WDR27: variants seen among roughly 807,000 people sequenced by gnomAD.
The protein encoded by WDR27 is WD repeat-containing protein 27.
A neutral mutation model predicts 114.4 loss-of-function variants in WDR27; 100 were observed. That is an observed-to-expected ratio of 0.87 (90% confidence interval 0.74 to 1.03). WDR27 has a LOEUF of 1.03. Among genes scored for constraint, WDR27 ranks in the 50% least tolerant of loss-of-function variants. The pLI is 0.00. For synonymous variants in WDR27, 449 were observed against 423.1 expected (o/e 1.06, Z -0.75); for missense variants, 1,129 against 1,092.9 (o/e 1.03, Z -0.47).
chr6:169,434,354 T>A, the WDR27 span, among the ~76,000 whole-genome samples: 49 of 152,330 alleles, frequency 3.2e-4, no homozygotes, highest in African/African-American at 1.1e-3. Flanking sequence ...CCTTTCCCCA[T>A]CGCTTTTGTC....
chr6:169,429,103 G>A, the WDR27 span, among the ~76,000 whole-genome samples: 283 of 152,170 alleles, frequency 1.9e-3, 2 homozygotes, highest in African/African-American at 6.5e-3. Context: ...AGAGGGGAGC[G>A]TCCTTCACCC....
chr6:169,628,393 A>T (rs1815410157), intron 21 of WDR27, among the ~76,000 whole-genome samples: 1 of 152,204 alleles, frequency 6.6e-6, no homozygotes, highest in South Asian at 2.1e-4. Context: ...CATGCGCATC[A>T]GCCCGCCTGC....
Position 169,684,430 on chromosome 6 carries a change from T to G in WDR27, c.189+4387A>C, listed in dbSNP as rs567441188. On this transcript the variant is annotated intron_variant, in intron 2 of 25. Coordinates refer to ENST00000448612, the MANE Select transcript of WDR27 (RefSeq NM_182552.5). This position sits in a 1 kb window ranked among gnomAD's most constrained non-coding sequence, Gnocchi z 4.3. Reference sequence around the variant, plus strand: ...CTGAGAAACAGTCTCACAGGCTGACTATGGCAAGCATGCTCCCAGGCCCAA... The same window carrying G: ...CTGAGAAACAGTCTCACAGGCTGACGATGGCAAGCATGCTCCCAGGCCCAA... Among the ~76,000 whole-genome samples the G allele has an allele frequency of 3.9e-5, 6 of 152,256 alleles. No homozygotes were observed. In the East Asian group the frequency reaches 9.7e-4, roughly 25 times the overall value.
intron 25 of WDR27, among the ~76,000 whole-genome samples, chr6:169,537,359 G>A (rs1489580841): frequency 6.6e-6 from 1 of 152,162 alleles, no homozygotes; most frequent in Non-Finnish European, 1.5e-5. Context: ...TAAGAGGGCT[G>A]CTTTAAATTG....
intron 17 of WDR27, among the ~76,000 whole-genome samples, chr6:169,641,108 A>G (rs1819037718): frequency 6.6e-6 from 1 of 152,186 alleles, no homozygotes; most frequent in Non-Finnish European, 1.5e-5. Context: ...GCGAAGTGCC[A>G]CCTTCTGCTC....
At chr6:169,550,501 C>T (rs1797956901) in intron 25 of WDR27, among the ~76,000 whole-genome samples, 1 of 151,924 alleles carries the variant, frequency 6.6e-6, no homozygotes, top group Admixed American at 6.6e-5. Context: ...CTCATTGCAA[C>T]CTCCACCTCC....
chr6:169,665,479 G>A lies in WDR27; in HGVS notation c.783+7C>T, dbSNP rs749498651. Reference sequence around the variant, plus strand: ...GGAACTGGAACTTAACTCTGTGGCTGTCTCACCTGGCCGTCAGCACACCCG... The same window carrying A: ...GGAACTGGAACTTAACTCTGTGGCTATCTCACCTGGCCGTCAGCACACCCG... On this transcript the variant is annotated splice_region_variant and intron_variant, in intron 7 of 25. Transcript: ENST00000448612. The A allele has an allele frequency of 8.7e-6, 14 of 1,611,296 alleles. No individual in the cohort carries two copies. Among genetic ancestry groups the A allele is most frequent in the African/African-American group, 5.3e-5 (4 of 74,806 alleles).
chr6:169,636,580 T>C (rs192517225), intron 18 of WDR27, 76 bp from the exon 19 acceptor site: 3 of 1,419,664 alleles, frequency 2.1e-6, no homozygotes, highest in African/African-American at 1.4e-5. Flanking sequence ...CATAAAATTA[T>C]TTCTTCTTAA....
chr6:169,479,545 T>C (rs780335675), intron 25 of WDR27, among the ~76,000 whole-genome samples: 32 of 152,330 alleles, frequency 2.1e-4, no homozygotes, highest in Non-Finnish European at 2.2e-4. Flanking sequence ...AGATTTTATA[T>C]GGTGACAGTC....
intron 21 of WDR27, among the ~76,000 whole-genome samples, chr6:169,617,061 A>G (rs1584615025): frequency 6.6e-6 from 1 of 152,204 alleles, no homozygotes; most frequent in Non-Finnish European, 1.5e-5. Context: ...ACAATGCACA[A>G]TGTTGCTGAA....
chr6:169,691,202 G>A (rs9383477), intron 1 of WDR27, among the ~76,000 whole-genome samples: 13,576 of 152,076 alleles, frequency 0.089, 1,800 homozygotes, highest in East Asian at 0.61. Flanking sequence ...GCAACAGAGC[G>A]AGACTCTGTC....
At chr6:169,509,704 C>A (rs944680127) in intron 25 of WDR27, among the ~76,000 whole-genome samples, 1 of 152,012 alleles carries the variant, frequency 6.6e-6, no homozygotes, top group Non-Finnish European at 1.5e-5. Flanking sequence ...CAATACCATT[C>A]AGGACATAGG....
At chr6:169,654,834 C>T (rs969982343) in intron 13 of WDR27, among the ~76,000 whole-genome samples, 18 of 151,888 alleles carry the variant, frequency 1.2e-4, no homozygotes, top group African/African-American at 3.9e-4. Flanking sequence ...CAGAAGGAGG[C>T]GGCTCGCTCA....
rs764498360 is a variant in WDR27 at position 169,688,908 on chromosome 6, TGA to T, written c.96_97del (p.His33CysfsTer18). ...CTGCATGCTGCAAGCAAGCTGAACA[TGA>T]GACACAGACTCCTTGGATTCAACCA... On this transcript the variant is annotated frameshift_variant, in exon 2 of 26. Transcript: ENST00000448612. LOFTEE classifies it high-confidence loss of function. 4.3e-6 allele frequency: 7 copies of T among 1,613,860 alleles called. No individual in the cohort carries two copies. The highest frequency in any genetic ancestry group is 1.6e-4 in the Middle Eastern group (1 of 6,084).
At chr6:169,688,662 A>T (rs2128298470) in intron 2 of WDR27, among the ~76,000 whole-genome samples, 155 bp downstream of exon 2, 1 of 152,114 alleles carries the variant, frequency 6.6e-6, no homozygotes, top group South Asian at 2.1e-4. Flanking sequence ...AAGTAAATTT[A>T]AAAATAAAAA....
intron 25 of WDR27, among the ~76,000 whole-genome samples, chr6:169,556,516 C>T (rs149354674): frequency 5.1e-4 from 77 of 152,320 alleles, no homozygotes; most frequent in African/African-American, 1.7e-3. Context: ...AAACCACAAA[C>T]ATCCTAGAAG....
Position 169,663,078 on chromosome 6 carries a change from G to A in WDR27, c.905-654C>T, listed in dbSNP as rs115801269. The stretch of plus-strand genomic sequence containing the variant: ...TGCACCATGGAGTCACTCAGATCAC[G>A]CATCGAGGAAAGCACTAAGGTAACA... On this transcript the variant is annotated intron_variant, in intron 8 of 25. Coordinates refer to ENST00000448612, the MANE Select transcript of WDR27 (RefSeq NM_182552.5). Among the ~76,000 whole-genome samples the A allele has an allele frequency of 1.3e-3, 205 of 152,100 alleles. 2 individuals are homozygous for A. The highest frequency in any genetic ancestry group is 4.8e-3 in the African/African-American group (198 of 41,500).
At chr6:169,621,629 C>G (rs1813330071) in intron 21 of WDR27, among the ~76,000 whole-genome samples, 2 of 151,496 alleles carry the variant, frequency 1.3e-5, no homozygotes, top group Admixed American at 1.3e-4. Context: ...CATATACATA[C>G]CCACACATGC....
intron 20 of WDR27, among the ~76,000 whole-genome samples, chr6:169,633,427 A>C (rs1816898842): frequency 6.6e-6 from 1 of 152,230 alleles, no homozygotes; most frequent in South Asian, 2.1e-4. Context: ...TACTGCACTC[A>C]GCAGAAAGGG....
Sources: gnomAD v4.1 joint callset for allele counts (sites outside exome capture counted in the v4.1 genomes callset) on GRCh38, gnomAD v4.1.1 for gene constraint, Gnocchi (gnomAD v3.1) non-coding constraint, MANE v1.5 for transcripts, NCBI Gene and HGNC (gene_info 2026-07-23, HGNC 2026-07-21) for gene names.